SATL1: variants seen among roughly 807,000 people sequenced by gnomAD.
The protein encoded by SATL1 is spermidine/spermine N(1)-acetyltransferase-like protein 1.
Under a neutral mutation model 51.8 loss-of-function variants are expected in SATL1, and 47 were observed. That is an observed-to-expected ratio of 0.91 (90% CI 0.72 to 1.16). SATL1 has a LOEUF of 1.16. SATL1 is among the 50% of genes most tolerant of loss of function. The probability of loss-of-function intolerance (pLI) is 0.00; values close to 1 mark genes in which losing one functional copy is unlikely to be tolerated. For synonymous variants in SATL1, 176 were observed against 182.4 expected, an observed-to-expected ratio of 0.97 and a Z score of 0.28; for missense variants, 520 against 526.4, an observed-to-expected ratio of 0.99 and a Z score of 0.12.
At chrX:85,123,177 A>G (rs747351620) in intron 2 of SATL1, among the ~76,000 whole-genome samples, 2 of 111,373 alleles carry the variant, frequency 1.8e-5, no homozygotes, top group African/African-American at 6.5e-5. Flanking sequence ...TTGGGTATAT[A>G]CCCAATAATG....
chrX:85,212,295 T>C (rs1225468970), intron 2 of SATL1, among the ~76,000 whole-genome samples: 2 of 111,901 alleles, frequency 1.8e-5, no homozygotes, highest in Non-Finnish European at 3.8e-5. Context: ...GAGCAGAAGA[T>C]AGCTCTTTTA....
chrX:85,092,845 A>G, intron 7 of SATL1: 1 of 327,237 alleles, frequency 3.1e-6, no homozygotes, highest in East Asian at 4.5e-5. Flanking sequence ...TTTCCAAAAT[A>G]CAAGAAGATC....
At position 85,107,453 on chromosome X, in the gene SATL1, G is replaced by C. The variant is rs762180135; in HGVS notation, c.1516C>G (p.Leu506Val). ...LNQLVLSQPG[L>V]SQPGRSQPSV... ...GGTTGGCTCCTGCCTGGTTGACTCAGGCCTGGTTGGCTCAGCACTAATTGG... is the reference window on the plus strand; with the variant it reads ...GGTTGGCTCCTGCCTGGTTGACTCACGCCTGGTTGGCTCAGCACTAATTGG... Residue 506 changes from leucine (L) to valine (V), a missense_variant, in exon 3 of 8, where the codon CTG becomes GTG. Around this residue, in one of 3 missense-constraint regions of SATL1, gnomAD observed 488 missense variants for 474.3 expected, o/e 1.03. Coordinates refer to ENST00000644105, the MANE Select transcript of SATL1 (RefSeq NM_001367857.2). The C allele has an allele frequency of 1.7e-6, 2 of 1,210,604 alleles. No individual in the cohort carries two copies. The highest frequency in any genetic ancestry group is 3.5e-5 in the African/African-American group (2 of 57,342).
intron 2 of SATL1, among the ~76,000 whole-genome samples, chrX:85,132,531 A>T (rs1925835894): frequency 9.0e-6 from 1 of 111,550 alleles, no homozygotes; most frequent in Non-Finnish European, 1.9e-5. Flanking sequence ...TACACTGTTT[A>T]TTCTAGTTAG....
rs151034553 is a variant in SATL1 at position 85,094,483 on chromosome X, G to A, written c.1775-254C>T. Among the ~76,000 whole-genome samples the A allele has an allele frequency of 6.0e-3, 672 of 111,881 alleles. 5 individuals carry two copies. The highest frequency in any genetic ancestry group is 0.021 in the African/African-American group (636 of 30,770). On this transcript the variant is annotated intron_variant, in intron 5 of 7. Coordinates refer to ENST00000644105, the MANE Select transcript of SATL1 (RefSeq NM_001367857.2). ...TTTTAGCTGGGCGCAGTGGCTCATGGCTGTAATCCCTGTGCTTTGGGAGGC... is the reference window on the plus strand; with the variant it reads ...TTTTAGCTGGGCGCAGTGGCTCATGACTGTAATCCCTGTGCTTTGGGAGGC...
intron 2 of SATL1, among the ~76,000 whole-genome samples, chrX:85,199,790 T>C (rs1405473744): frequency 8.9e-6 from 1 of 111,736 alleles, no homozygotes; most frequent in Non-Finnish European, 1.9e-5. Context: ...TAGAATAAGG[T>C]TGCCAGAGGC....
At chrX:85,151,054 T>C (rs1345014883) in intron 2 of SATL1, among the ~76,000 whole-genome samples, 2 of 109,908 alleles carry the variant, frequency 1.8e-5, no homozygotes, top group Non-Finnish European at 1.9e-5. Context: ...CATGATTGTA[T>C]ATCTAGAAAA....
At chrX:85,143,492 T>C (rs1926156344) in intron 2 of SATL1, 1 of 111,539 alleles carries the variant, frequency 9.0e-6, no homozygotes, top group African/African-American at 3.3e-5. Flanking sequence ...TGACTGTACG[T>C]TGTGAATAAC....
At chrX:85,129,268 C>T (rs191862031) in intron 2 of SATL1, among the ~76,000 whole-genome samples, 16 of 111,878 alleles carry the variant, frequency 1.4e-4, no homozygotes, top group African/African-American at 4.5e-4. Flanking sequence ...ATTGACTGTT[C>T]CTATCCATGA....
At chrX:85,187,455 T>A (rs1927338014) in intron 2 of SATL1, among the ~76,000 whole-genome samples, 2 of 111,815 alleles carry the variant, frequency 1.8e-5, no homozygotes, top group African/African-American at 6.5e-5. Context: ...GCAGTGTGTT[T>A]ATCATATATA....
intron 4 of SATL1, among the ~76,000 whole-genome samples, chrX:85,100,098 C>T (rs1485665522): frequency 8.9e-6 from 1 of 111,870 alleles, no homozygotes. Context: ...CCCAGCTACT[C>T]GGGAGGCAGA....
intron 2 of SATL1, among the ~76,000 whole-genome samples, chrX:85,124,856 G>A (rs767356229): frequency 9.0e-6 from 1 of 110,845 alleles, no homozygotes; most frequent in African/African-American, 3.3e-5. Flanking sequence ...ATCTACCCAG[G>A]GTGGATGGAG....
intron 1 of SATL1, among the ~76,000 whole-genome samples, chrX:85,240,148 G>A (rs143447504): frequency 0.014 from 1,552 of 111,205 alleles, 25 homozygotes; most frequent in African/African-American, 0.048. Flanking sequence ...ATTAAAAGAT[G>A]GGCAAAGAAC....
Position 85,224,293 on chromosome X carries a change from CTG to C in SATL1, c.-403_-402del, listed in dbSNP as rs60841360. 14,050 of 110,625 alleles carry C rather than the reference CTG, an allele frequency of 0.13. 712 individuals carry two copies. Among genetic ancestry groups the C allele is most frequent in the South Asian group, 0.17 (429 of 2,593 alleles). The allele number at this position is 110,625 out of a possible 1,213,427, so 9.1% of individuals were successfully genotyped here. A position where few individuals can be genotyped will look rare whatever the true frequency, so the allele number is the denominator to read the frequency against. On this transcript the variant is annotated 5_prime_UTR_variant, in exon 2 of 8. Coordinates refer to ENST00000644105, the MANE Select transcript of SATL1 (RefSeq NM_001367857.2). Reference sequence around the variant, plus strand: ...CTCCCTTTTCACATCATCTTCTCCTCTGTGTGTGTCTATGTCTCCTCTTCTGC... The same window carrying C: ...CTCCCTTTTCACATCATCTTCTCCTCTGTGTGTCTATGTCTCCTCTTCTGC...
chrX:85,152,564 A>T (rs2147722788), intron 2 of SATL1, among the ~76,000 whole-genome samples: 1 of 111,378 alleles, frequency 9.0e-6, no homozygotes, highest in South Asian at 3.8e-4. Context: ...CTTGGAACCA[A>T]CCCAAATGTC....
At chrX:85,197,840 T>C (rs1031491317) in intron 2 of SATL1, among the ~76,000 whole-genome samples, 4 of 110,861 alleles carry the variant, frequency 3.6e-5, no homozygotes, top group African/African-American at 9.9e-5. Context: ...TCATTTTTTA[T>C]GGCTGCATAG....
At position 85,093,372 on chromosome X, in the gene SATL1, C is replaced by CAT. The variant is rs200845496; in HGVS notation, c.1877-149_1877-148dup. The CAT allele has an allele frequency of 1.7e-3, 908 of 523,525 alleles. 7 individuals are homozygous for CAT. The African/African-American group carries it at 0.02, about 11-fold the overall frequency. 43.1% of individuals were successfully genotyped at this position (523,525 alleles called of 1,213,427 possible). A position where few individuals can be genotyped will look rare whatever the true frequency, so the allele number is the denominator to read the frequency against. On this transcript the variant is annotated intron_variant, in intron 6 of 7. Coordinates refer to ENST00000644105, the MANE Select transcript of SATL1 (RefSeq NM_001367857.2). ...TGGAAACACAACTCGTGAATGCTTT[C>CAT]ATATCCCTTTTTCCTAATTGGAATG...
chrX:85,098,336 C>T (rs750782436), intron 4 of SATL1, among the ~76,000 whole-genome samples: 1 of 110,943 alleles, frequency 9.0e-6, no homozygotes, highest in Non-Finnish European at 1.9e-5. Context: ...GAAGCAAACA[C>T]TGACAGAACT....
At chrX:85,139,949 G>T (rs957235806) in intron 2 of SATL1, among the ~76,000 whole-genome samples, 3 of 111,438 alleles carry the variant, frequency 2.7e-5, no homozygotes, top group African/African-American at 9.8e-5. Context: ...CCTAGATCAA[G>T]AACCAGAACA....
Sources: allele counts gnomAD v4.1 joint callset (sites outside exome capture counted in the v4.1 genomes callset), GRCh38; gene constraint gnomAD v4.1.1; regional missense constraint gnomAD v4.1.1; transcripts MANE v1.5; gene names NCBI Gene and HGNC (gene_info 2026-07-23, HGNC 2026-07-21).